IKZF3: variants seen among roughly 807,000 people sequenced by gnomAD.
IKZF3 encodes the protein IKAROS family zinc finger 3, also known as zinc finger protein Aiolos.
A neutral mutation model predicts 49.0 loss-of-function variants in IKZF3; 10 were observed. That is an observed-to-expected ratio of 0.20 (90% CI 0.13 to 0.35). The LOEUF (loss-of-function observed/expected upper bound fraction) is 0.35. Among genes scored for constraint, IKZF3 ranks in the 10% least tolerant of loss-of-function variants. IKZF3 has a pLI of 1.00. For missense variants in IKZF3, 498 were observed against 664.8 expected, an observed-to-expected ratio of 0.75 and a Z score of 2.76; for synonymous variants, 209 against 228.2, an observed-to-expected ratio of 0.92 and a Z score of 0.76.
chr17:39,820,928 G>A (rs1157977009), intron 3 of IKZF3, among the ~76,000 whole-genome samples: 1 of 152,184 alleles, frequency 6.6e-6, no homozygotes, highest in Non-Finnish European at 1.5e-5. Context: ...GGAGCTGGGG[G>A]TGTGGCATGC....
chr17:39,778,196 C>T (rs1290619182), intron 6 of IKZF3: 5 of 986,832 alleles, frequency 5.1e-6, no homozygotes, highest in African/African-American at 1.7e-5. Context: ...AGATTTACTG[C>T]TCTGTTTATG....
At chr17:39,823,183 G>C (rs2061857178) in intron 3 of IKZF3, among the ~76,000 whole-genome samples, 1 of 152,190 alleles carries the variant, frequency 6.6e-6, no homozygotes, top group Admixed American at 6.5e-5. Context: ...TGAAGTCCAG[G>C]CTGAGGTGGT....
intron 6 of IKZF3, among the ~76,000 whole-genome samples, chr17:39,780,331 C>A (rs901120533): frequency 3.3e-5 from 5 of 150,820 alleles, no homozygotes; most frequent in African/African-American, 4.9e-5. Context: ...TTACACAATA[C>A]ATTATAAAGC....
chr17:39,850,568 TAGTA>T (rs200758628), intron 1 of IKZF3, among the ~76,000 whole-genome samples: 3 of 104,586 alleles, frequency 2.9e-5, no homozygotes, highest in African/African-American at 1.1e-4. Flanking sequence ...CATGTACATA[TAGTA>T]TATAGCATAT....
intron 1 of IKZF3, among the ~76,000 whole-genome samples, chr17:39,850,382 A>C (rs1222297283): frequency 1.3e-4 from 17 of 135,272 alleles, no homozygotes; most frequent in East Asian, 6.2e-4. Context: ...TGTATATATA[A>C]TATATAGCAT....
At chr17:39,832,471 GAA>G (rs1053879339) in intron 1 of IKZF3, among the ~76,000 whole-genome samples, 6 of 150,304 alleles carry the variant, frequency 4.0e-5, no homozygotes, top group Non-Finnish European at 8.9e-5. Flanking sequence ...TGAACACATA[GAA>G]AAAAAGAGTT....
chr17:39,788,249 T>A lies in IKZF3; in HGVS notation c.709+9A>T. ...AGATGCTCACTAAACGTGTGTTGCG[T>A]GAACTCACCAGTGTCCCCTGGGTCA... On this transcript the variant is annotated intron_variant, in intron 6 of 7. Coordinates refer to ENST00000346872, the MANE Select transcript of IKZF3 (RefSeq NM_012481.5). 6.4e-7 allele frequency: 1 copy of A among 1,572,286 alleles called. No individual in the cohort carries two copies. Among genetic ancestry groups the A allele is most frequent in the Non-Finnish European group, 8.8e-7 (1 of 1,142,092 alleles).
intron 1 of IKZF3, among the ~76,000 whole-genome samples, chr17:39,862,643 ACTAT>A (rs745323684): frequency 2.0e-5 from 3 of 152,276 alleles, no homozygotes; most frequent in African/African-American, 7.2e-5. Flanking sequence ...CATAATCTAT[ACTAT>A]CTATCTCCAT....
intron 3 of IKZF3, among the ~76,000 whole-genome samples, chr17:39,812,072 C>T (rs1029366428): frequency 6.6e-6 from 1 of 152,230 alleles, no homozygotes; most frequent in Non-Finnish European, 1.5e-5. Flanking sequence ...TTAAACTTCA[C>T]TGTCATTGCT....
At position 39,832,101 on chromosome 17, in the gene IKZF3, C is replaced by A. The variant is rs762032385; in HGVS notation, c.58G>T (p.Ala20Ser). The stretch of plus-strand genomic sequence containing the variant: ...GAGAGGAAAGACCTGATGTTACCTG[C>A]GGGCACAGACTGCTCCTGAGTGCTT... ...LKSTQEQSVP[A>S]ESAAVLNDYS... Residue 20 changes from alanine to serine, a missense_variant, in exon 2 of 8, where the codon GCA (alanine) becomes TCA (serine). Ala to Ser is a moderately conservative substitution (Grantham distance 99). Around this residue, in one of 3 missense-constraint regions of IKZF3, gnomAD observed 97 missense variants for 98.9 expected, o/e 0.98. Coordinates refer to ENST00000346872, the MANE Select transcript of IKZF3 (RefSeq NM_012481.5). 28 of 1,609,154 alleles carry A rather than the reference C, an allele frequency of 1.7e-5. No individual in the cohort carries two copies. In the South Asian group the frequency reaches 2.9e-4, roughly 16 times the overall value.
intron 1 of IKZF3, 124 bp downstream of exon 1, chr17:39,863,996 T>C: frequency 7.9e-7 from 1 of 1,273,500 alleles, no homozygotes; most frequent in Non-Finnish European, 1.1e-6. Context: ...AAATACCTCA[T>C]ATTTACTTTT....
intron 6 of IKZF3, among the ~76,000 whole-genome samples, chr17:39,780,779 G>A (rs2060721838): frequency 6.6e-6 from 1 of 152,110 alleles, no homozygotes; most frequent in Non-Finnish European, 1.5e-5. Context: ...TTGAGCCTAG[G>A]AGTTCAAGTT....
intron 3 of IKZF3, among the ~76,000 whole-genome samples, chr17:39,803,516 T>C (rs940928346): frequency 1.4e-5 from 2 of 146,846 alleles, no homozygotes; most frequent in African/African-American, 4.9e-5. Context: ...CACTCTATCT[T>C]TTTTTTTTTT....
In IKZF3 at chr17:39,759,389, A is replaced by C. The variant is rs1399519986; in HGVS notation, c.*6401T>G. 1 of 152,046 alleles carries C rather than the reference A, an allele frequency of 6.6e-6. No individual in the cohort carries two copies. Among genetic ancestry groups the C allele is most frequent in the African/African-American group, 2.4e-5 (1 of 41,376 alleles). The allele number at this position is 152,046 out of a possible 1,614,324, so 9.4% of individuals were successfully genotyped here. A position where few individuals can be genotyped will look rare whatever the true frequency, so the allele number is the denominator to read the frequency against. ...AAGTAAGCCTTGATTGTGCCACTGCACTCAGCCTGGGGAAACAGAGCGAGA... is the reference window on the plus strand; with the variant it reads ...AAGTAAGCCTTGATTGTGCCACTGCCCTCAGCCTGGGGAAACAGAGCGAGA... On this transcript the variant is annotated 3_prime_UTR_variant, in exon 8 of 8. Transcript: ENST00000346872.
chr17:39,850,352 AAT>A (rs1321655614), intron 1 of IKZF3, among the ~76,000 whole-genome samples: 1 of 130,052 alleles, frequency 7.7e-6, no homozygotes, highest in Non-Finnish European at 1.5e-5. Flanking sequence ...ATGTACATAT[AAT>A]ATATAGCATA....
intron 7 of IKZF3, among the ~76,000 whole-genome samples, chr17:39,773,501 G>A (rs1252837601): frequency 2.0e-5 from 3 of 152,196 alleles, no homozygotes; most frequent in Non-Finnish European, 2.9e-5. Context: ...AGGGAGATCC[G>A]ATGGTTTGTT....
chr17:39,783,716 A>G (rs967934382), intron 6 of IKZF3, among the ~76,000 whole-genome samples: 2 of 151,396 alleles, frequency 1.3e-5, no homozygotes, highest in Non-Finnish European at 2.9e-5. Context: ...AGATTACCTG[A>G]GATCAGGAGT....
At position 39,759,785 on chromosome 17, in the gene IKZF3, G is replaced by C. The variant is rs2060138579; in HGVS notation, c.*6005C>G. 6.6e-6 allele frequency: 1 copy of C among 152,240 alleles called. No individual in the cohort carries two copies. Among genetic ancestry groups the C allele is most frequent in the Non-Finnish European group, 1.5e-5 (1 of 68,044 alleles). The allele number at this position is 152,240 out of a possible 1,614,324, so 9.4% of individuals were successfully genotyped here. ...ATATCTCAAATCATTCTCCTTGTCTGAACTCTGGATATAGAGGTTTTTTGA... is the reference window on the plus strand; with the variant it reads ...ATATCTCAAATCATTCTCCTTGTCTCAACTCTGGATATAGAGGTTTTTTGA... On this transcript the variant is annotated 3_prime_UTR_variant, in exon 8 of 8. Transcript: ENST00000346872.
intron 7 of IKZF3, among the ~76,000 whole-genome samples, chr17:39,768,936 C>T (rs1298050321): frequency 6.6e-6 from 1 of 152,156 alleles, no homozygotes; most frequent in Admixed American, 6.5e-5. Context: ...ACTAAGATCC[C>T]TTCCCCCTTT....
Sources: gnomAD v4.1 joint callset for allele counts (sites outside exome capture counted in the v4.1 genomes callset) on GRCh38, gnomAD v4.1.1 for gene constraint, gnomAD v4.1.1 regional missense constraint, MANE v1.5 for transcripts, NCBI Gene and HGNC (gene_info 2026-07-23, HGNC 2026-07-21) for gene names.